Variants in LIMK1 observed in about 807,000 individuals in gnomAD.
The protein encoded by LIMK1 is LIM motif-containing protein kinase.
LIMK1 carries 21 observed loss-of-function variants against 77.6 expected under a neutral mutation model. The ratio of observed to expected loss-of-function variants is 0.27; its 90% CI spans 0.19 to 0.39. The LOEUF is 0.39. Among genes scored for constraint, LIMK1 ranks in the 10% least tolerant of loss-of-function variants. The pLI is 1.00. For missense variants in LIMK1, 696 were observed against 901.6 expected, an observed-to-expected ratio of 0.77 and a Z score of 2.92; for synonymous variants, 358 against 370.0, an observed-to-expected ratio of 0.97 and a Z score of 0.37.
chr7:74,106,036 C>A, intron 6 of LIMK1, 41 bp from the exon 7 acceptor site: 1 of 1,613,552 alleles, frequency 6.2e-7, no homozygotes, highest in South Asian at 1.1e-5. Context: ...TGCCTAGCCC[C>A]CTCCCCACTC....
chr7:74,108,009 C>T (rs1346446009), intron 9 of LIMK1, 52 bp downstream of exon 9: 4 of 1,340,374 alleles, frequency 3.0e-6, no homozygotes, highest in Non-Finnish European at 4.2e-6. Flanking sequence ...AGGTGCTCAC[C>T]CCTGCCCCAT....
In LIMK1 at chr7:74,108,900, G is replaced by T. The variant is rs201648404; in HGVS notation, c.1153-5G>T. On this transcript the variant is annotated splice_polypyrimidine_tract_variant and splice_region_variant and intron_variant, in intron 9 of 15. Coordinates refer to ENST00000336180, the MANE Select transcript of LIMK1 (RefSeq NM_002314.4). ...CCCGGGCCCAGCCTGTTTGTGCCCC[G>T]CCAGGTGAAGGTCATGCGATGCCTG... 1.2e-6 allele frequency: 2 copies of T among 1,612,452 alleles called. No individual in the cohort carries two copies. The highest frequency in any genetic ancestry group is 1.7e-6 in the Non-Finnish European group (2 of 1,178,966).
At chr7:74,118,377 A>AAC (rs57707215) in intron 13 of LIMK1, among the ~76,000 whole-genome samples, 21,048 of 129,800 alleles carry the variant, frequency 0.16, 1,693 homozygotes, top group Non-Finnish European at 0.18. Flanking sequence ...CTCTGTGTCA[A>AAC]ACACACACAC....
intron 12 of LIMK1, among the ~76,000 whole-genome samples, chr7:74,113,450 A>T (rs1799743010): frequency 6.6e-6 from 1 of 151,836 alleles, no homozygotes. Flanking sequence ...ACATGGCAAA[A>T]CCCTGTTTCT....
At chr7:74,090,110 C>T (rs190783289) in intron 2 of LIMK1, among the ~76,000 whole-genome samples, 2 of 152,250 alleles carry the variant, frequency 1.3e-5, no homozygotes, top group East Asian at 1.9e-4. Flanking sequence ...TGCAGTGGCT[C>T]ACGCCTGTAA....
intron 2 of LIMK1, among the ~76,000 whole-genome samples, chr7:74,086,863 C>T (rs1799146119): frequency 6.6e-6 from 1 of 152,184 alleles, no homozygotes; most frequent in South Asian, 2.1e-4. Context: ...CCAGGCCACC[C>T]TCAGTGTCTT....
At chr7:74,104,102 T>TA (rs1175862814) in intron 5 of LIMK1, among the ~76,000 whole-genome samples, 7 of 151,984 alleles carry the variant, frequency 4.6e-5, no homozygotes, top group South Asian at 4.2e-4. Context: ...TAATTTTCTG[T>TA]AAAAAATGTC....
At chr7:74,119,077 A>G (rs1799879801) in intron 13 of LIMK1, among the ~76,000 whole-genome samples, 1 of 150,614 alleles carries the variant, frequency 6.6e-6, no homozygotes, top group Non-Finnish European at 1.5e-5. Flanking sequence ...TTGTATTTTT[A>G]GTAGAGACGG....
rs182769397 is a variant in LIMK1 at position 74,122,017 on chromosome 7, C to T, written c.*716C>T. ...GGGTGAAGGGGGTCCCTTGAGGGAG[C>T]GTGGAGCTGCGGTGCCCTGGCCGGC... On this transcript the variant is annotated 3_prime_UTR_variant, in exon 16 of 16. Coordinates refer to ENST00000336180, the MANE Select transcript of LIMK1 (RefSeq NM_002314.4). The T allele has an allele frequency of 7.9e-3, 1,199 of 152,728 alleles. 10 individuals are homozygous for T. The highest frequency in any genetic ancestry group is 0.012 in the Non-Finnish European group (794 of 68,076). The allele number at this position is 152,728 out of a possible 1,614,324, so 9.5% of individuals were successfully genotyped here.
intron 4 of LIMK1, 59 bp from the exon 5 acceptor site, chr7:74,098,973 A>C (rs1181133408): frequency 5.1e-6 from 7 of 1,374,348 alleles, no homozygotes; most frequent in Non-Finnish European, 7.1e-6. Flanking sequence ...GGCTGCAGAG[A>C]TGCTGAAATT....
chr7:74,096,712 C>T lies in LIMK1; in HGVS notation c.243C>T (p.Gly81=). The change falls in exon 3 of 16, where the codon GGC becomes GGT. Residue 81 remains glycine (G), a synonymous_variant. Coordinates refer to ENST00000336180, the MANE Select transcript of LIMK1 (RefSeq NM_002314.4). ...FCKKDYWARY[G]ESCHGCSEQI... is the part of the protein sequence containing the mutation. ...AGAAGGACTACTGGGCCCGCTATGG[C>T]GAGTCCTGCCATGGGTGCTCTGAGC... The T allele has an allele frequency of 1.2e-6, 2 of 1,613,520 alleles. No homozygotes were observed. Among genetic ancestry groups the T allele is most frequent in the East Asian group, 2.2e-5 (1 of 44,856 alleles).
chr7:74,095,703 T>A lies in LIMK1; in HGVS notation c.153-919T>A, dbSNP rs75990915. On this transcript the variant is annotated intron_variant, in intron 2 of 15. Coordinates refer to ENST00000336180, the MANE Select transcript of LIMK1 (RefSeq NM_002314.4). Reference sequence around the variant, plus strand: ...TTACAGGCATGAGCCACCATGCCCATCCCAGACTGACATTTCTATATTTGT... The same window carrying A: ...TTACAGGCATGAGCCACCATGCCCAACCCAGACTGACATTTCTATATTTGT... Among the ~76,000 whole-genome samples the A allele has an allele frequency of 8.9e-3, 1,353 of 152,112 alleles. 21 individuals carry two copies. The highest frequency in any genetic ancestry group is 0.031 in the African/African-American group (1,280 of 41,488).
rs1584110543 is a variant in LIMK1 at position 74,094,952 on chromosome 7, C to G, written c.153-1670C>G. 2.0e-5 allele frequency among the ~76,000 whole-genome samples: 3 copies of G among 152,182 alleles called. No individual in the cohort carries two copies. In the East Asian group the frequency reaches 5.8e-4, roughly 29 times the overall value. On this transcript the variant is annotated intron_variant, in intron 2 of 15. Coordinates refer to ENST00000336180, the MANE Select transcript of LIMK1 (RefSeq NM_002314.4). ...CCAAACCCTGGCATTTTCTGCTCCC[C>G]CTTTACTCCCACCCCTTCCCCTAGG... is the stretch of plus-strand genomic sequence containing the variant.
intron 5 of LIMK1, among the ~76,000 whole-genome samples, chr7:74,102,434 C>T (rs1050802756): frequency 7.0e-6 from 1 of 142,702 alleles, no homozygotes; most frequent in Non-Finnish European, 1.5e-5. Flanking sequence ...TTGCAGGGAT[C>T]ATTGACTCCC....
chr7:74,118,403 C>CAA (rs1336808313), intron 13 of LIMK1, among the ~76,000 whole-genome samples: 2 of 150,844 alleles, frequency 1.3e-5, no homozygotes, highest in African/African-American at 4.9e-5. Flanking sequence ...CACACACACA[C>CAA]ACACACACAC....
intron 9 of LIMK1, 61 bp from the exon 10 acceptor site, chr7:74,108,844 C>G: frequency 6.3e-7 from 1 of 1,576,858 alleles, no homozygotes; most frequent in Non-Finnish European, 8.6e-7. Flanking sequence ...AAGGGAGAAG[C>G]AGACCCAAGC....
intron 13 of LIMK1, among the ~76,000 whole-genome samples, chr7:74,118,981 C>T (rs925080626): frequency 3.9e-5 from 6 of 151,984 alleles, no homozygotes; most frequent in African/African-American, 7.2e-5. Flanking sequence ...CTGCAAGCTC[C>T]GCCTCCCGGG....
At chr7:74,088,579 TCACTTGACCC>T (rs1554694370) in intron 2 of LIMK1, among the ~76,000 whole-genome samples, 1 of 151,928 alleles carries the variant, frequency 6.6e-6, no homozygotes, top group Non-Finnish European at 1.5e-5. Flanking sequence ...GGCAGGCAGA[TCACTTGACCC>T]CAGGAGCTTG....
At chr7:74,094,766 GC>G (rs1346933741) in intron 2 of LIMK1, among the ~76,000 whole-genome samples, 1 of 151,692 alleles carries the variant, frequency 6.6e-6, no homozygotes, top group Non-Finnish European at 1.5e-5. Flanking sequence ...TGAACTGCCG[GC>G]CCCCTGCTGT....
Sources: gnomAD v4.1 joint callset for allele counts (sites outside exome capture counted in the v4.1 genomes callset) on GRCh38, gnomAD v4.1.1 for gene constraint, MANE v1.5 for transcripts, NCBI Gene and HGNC (gene_info 2026-07-23, HGNC 2026-07-21) for gene names.